Variants in NCKAP5 observed in about 807,000 individuals in gnomAD.
NCKAP5 encodes the protein nck-associated protein 5.
In NCKAP5, 92 loss-of-function variants were observed where a neutral mutation model predicts 167.0. The ratio of observed to expected loss-of-function variants is 0.55; its 90% CI spans 0.47 to 0.66. The LOEUF (loss-of-function observed/expected upper bound fraction) is 0.66, where lower values mean the gene tolerates loss of function less well. Among genes scored for constraint, NCKAP5 ranks in the 30% least tolerant of loss-of-function variants. The pLI is 0.00. For missense variants in NCKAP5, 2,378 were observed against 2,315.0 expected (o/e 1.03, Z -0.56); for synonymous variants, 891 against 877.4 (o/e 1.02, Z -0.27).
At chr2:133,395,693 T>C (rs746593228) in intron 3 of NCKAP5, among the ~76,000 whole-genome samples, 6 of 152,324 alleles carry the variant, frequency 3.9e-5, no homozygotes, top group Admixed American at 1.3e-4. Flanking sequence ...TTGCCCAGGC[T>C]GGAGTGCAAT....
chr2:133,125,483 A>T (rs999876488), intron 6 of NCKAP5, among the ~76,000 whole-genome samples: 12 of 152,148 alleles, frequency 7.9e-5, no homozygotes, highest in Non-Finnish European at 1.8e-4. Context: ...AGGAGTGGGG[A>T]GAGTGGGAAG....
intron 11 of NCKAP5, among the ~76,000 whole-genome samples, chr2:132,857,295 G>T (rs184808601): frequency 1.3e-5 from 2 of 152,098 alleles, no homozygotes; most frequent in Admixed American, 6.5e-5. Context: ...ATGCAGAATT[G>T]TTCCACATTT....
At chr2:133,294,046 G>A (rs181912855) in intron 4 of NCKAP5, among the ~76,000 whole-genome samples, 27 of 152,302 alleles carry the variant, frequency 1.8e-4, no homozygotes, top group Admixed American at 1.6e-3. Context: ...TTGGCATAGC[G>A]TGATGTTTTG....
intron 6 of NCKAP5, among the ~76,000 whole-genome samples, chr2:133,105,898 C>G (rs867084048): frequency 1.3e-5 from 2 of 152,052 alleles, no homozygotes; most frequent in Admixed American, 1.3e-4. Context: ...GTTTATATTG[C>G]GCTTTCACAG....
chr2:133,221,733 G>T (rs2086670771), intron 4 of NCKAP5, among the ~76,000 whole-genome samples: 1 of 152,178 alleles, frequency 6.6e-6, no homozygotes, highest in Non-Finnish European at 1.5e-5. Context: ...GGCACTTTCT[G>T]CTATTTCTAA....
Position 133,404,776 on chromosome 2 carries a change from G to A in NCKAP5, c.70-101666C>T, listed in dbSNP as rs138917621. Among the ~76,000 whole-genome samples the A allele has an allele frequency of 9.4e-3, 1,424 of 152,244 alleles. 8 individuals carry two copies. The highest frequency in any genetic ancestry group is 0.015 in the Non-Finnish European group (1,028 of 68,006). ...TCCTCTTGACTTTTGGGATATTCAG[G>A]TCTTTTCTTTCACTAAGTGATGTTA... On this transcript the variant is annotated intron_variant, in intron 3 of 19. Transcript: ENST00000409261.
At chr2:133,638,386 C>T in the NCKAP5 span, among the ~76,000 whole-genome samples, 3 of 151,894 alleles carry the variant, frequency 2.0e-5, no homozygotes, top group Admixed American at 6.6e-5. Context: ...TTAAATTAAG[C>T]ACGCATATAA....
chr2:133,178,010 G>T, intron 5 of NCKAP5, among the ~76,000 whole-genome samples: 1 of 152,152 alleles, frequency 6.6e-6, no homozygotes, highest in East Asian at 1.9e-4. Context: ...CATCCCAATA[G>T]GGGTGCAGGG....
At chr2:132,707,655 G>T (rs1019277773) in intron 19 of NCKAP5, among the ~76,000 whole-genome samples, 2 of 152,174 alleles carry the variant, frequency 1.3e-5, no homozygotes, top group Admixed American at 6.5e-5. Flanking sequence ...TGATGTAAGC[G>T]TGAGCAAAAC....
chr2:133,047,314 A>G (rs557235540), intron 6 of NCKAP5, among the ~76,000 whole-genome samples: 1 of 152,362 alleles, frequency 6.6e-6, no homozygotes, highest in South Asian at 2.1e-4. Context: ...TCGACCCCAC[A>G]GAATGTAATG....
intron 3 of NCKAP5, among the ~76,000 whole-genome samples, chr2:133,470,655 T>C (rs1679160195): frequency 6.6e-6 from 1 of 152,158 alleles, no homozygotes; most frequent in Non-Finnish European, 1.5e-5. Flanking sequence ...GTGCTAGTAA[T>C]CAGCGAGACT....
chr2:133,450,339 T>C (rs1179922877), intron 3 of NCKAP5, among the ~76,000 whole-genome samples: 1 of 152,316 alleles, frequency 6.6e-6, no homozygotes, highest in East Asian at 1.9e-4. Context: ...CATTTTCATA[T>C]GTGGTAACCT....
Position 133,026,561 on chromosome 2 carries a change from A to G in NCKAP5, c.342-32322T>C, listed in dbSNP as rs146441628. Among the ~76,000 whole-genome samples the G allele has an allele frequency of 9.2e-5, 14 of 152,288 alleles. No homozygotes were observed. In the East Asian group the frequency reaches 2.5e-3, roughly 27 times the overall value. ...ATTTTGCTGCTATTCTGAACAAACCATAAAGACTTATTGGGAGGAAAAGAT... is the reference window on the plus strand; with the variant it reads ...ATTTTGCTGCTATTCTGAACAAACCGTAAAGACTTATTGGGAGGAAAAGAT... On this transcript the variant is annotated intron_variant, in intron 6 of 19. Transcript: ENST00000409261.
chr2:133,277,116 T>C (rs2150442343), intron 4 of NCKAP5, among the ~76,000 whole-genome samples: 1 of 152,294 alleles, frequency 6.6e-6, no homozygotes, highest in East Asian at 1.9e-4. Context: ...GACACTCCAT[T>C]TGATCAGGAA....
intron 3 of NCKAP5, among the ~76,000 whole-genome samples, chr2:133,463,897 T>C (rs1042478020): frequency 6.6e-6 from 1 of 152,246 alleles, no homozygotes; most frequent in Admixed American, 6.5e-5. Context: ...CTTGAGGTTC[T>C]TGCATCAGAT....
chr2:133,009,543 T>C (rs943819354), intron 6 of NCKAP5, among the ~76,000 whole-genome samples: 1 of 152,222 alleles, frequency 6.6e-6, no homozygotes, highest in Non-Finnish European at 1.5e-5. Context: ...ATATGAATAA[T>C]TGTTTCCTGA....
chr2:132,999,809 T>A (rs559465063), intron 6 of NCKAP5, among the ~76,000 whole-genome samples: 48 of 152,230 alleles, frequency 3.2e-4, no homozygotes, highest in African/African-American at 1.1e-3. Context: ...ATCCAATTAT[T>A]ACACCAAATT....
intron 7 of NCKAP5, among the ~76,000 whole-genome samples, chr2:132,971,826 T>A (rs2076843797): frequency 6.6e-6 from 1 of 152,168 alleles, no homozygotes. Context: ...TACGGCTTGT[T>A]TAAAACGCAG....
intron 7 of NCKAP5, among the ~76,000 whole-genome samples, chr2:132,976,877 A>G (rs1187205295): frequency 6.6e-6 from 1 of 152,196 alleles, no homozygotes; most frequent in Admixed American, 6.5e-5. Context: ...GGTCAATATC[A>G]TATCATTTTT....
Sources: gnomAD v4.1 joint callset for allele counts (sites outside exome capture counted in the v4.1 genomes callset) on GRCh38, gnomAD v4.1.1 for gene constraint, MANE v1.5 for transcripts, NCBI Gene and HGNC (gene_info 2026-07-23, HGNC 2026-07-21) for gene names.